Variants in ITGA9 observed in about 807,000 individuals in gnomAD.
The protein encoded by ITGA9 is integrin subunit alpha 9, also known as integrin alpha-9.
In ITGA9, 56 loss-of-function variants were observed where a neutral mutation model predicts 127.8. The ratio of observed to expected loss-of-function variants is 0.44; its 90% CI spans 0.35 to 0.55. The LOEUF (loss-of-function observed/expected upper bound fraction) is 0.55. ITGA9 is among the 20% of genes least tolerant of loss of function. ITGA9 has a pLI of 0.00. For missense variants in ITGA9, 1,196 were observed against 1,347.1 expected (o/e 0.89, Z 1.76); for synonymous variants, 508 against 514.5 (o/e 0.99, Z 0.17).
intron 18 of ITGA9, among the ~76,000 whole-genome samples, chr3:37,713,397 C>G (rs1344191168): frequency 2.0e-5 from 3 of 152,160 alleles, no homozygotes; most frequent in Non-Finnish European, 4.4e-5. Flanking sequence ...AGTTGGCACT[C>G]CCTCCTCCAC....
At chr3:37,750,163 A>T (rs1444153359) in intron 22 of ITGA9, among the ~76,000 whole-genome samples, 1 of 152,228 alleles carries the variant, frequency 6.6e-6, no homozygotes, top group African/African-American at 2.4e-5. Context: ...GTAATAGTCT[A>T]TGAGTAAATT....
chr3:37,665,577 C>T (rs1700578811), intron 17 of ITGA9, among the ~76,000 whole-genome samples: 1 of 152,052 alleles, frequency 6.6e-6, no homozygotes, highest in South Asian at 2.1e-4. Context: ...ACTCAGCCTC[C>T]TGAGTAGCTG....
intron 20 of ITGA9, among the ~76,000 whole-genome samples, chr3:37,739,046 G>T (rs1177296333): frequency 1.3e-5 from 2 of 152,082 alleles, no homozygotes; most frequent in South Asian, 4.1e-4. Flanking sequence ...TTTTCAGAAG[G>T]GCTCACCAAA....
intron 15 of ITGA9, among the ~76,000 whole-genome samples, chr3:37,585,803 C>CG (rs1699754501): frequency 6.6e-6 from 1 of 151,138 alleles, no homozygotes; most frequent in South Asian, 2.1e-4. Flanking sequence ...GGGGCCCCCC[C>CG]AATTTTAATT....
chr3:37,571,242 GGA>G (rs1028608245), intron 15 of ITGA9, among the ~76,000 whole-genome samples: 2 of 152,290 alleles, frequency 1.3e-5, no homozygotes, highest in South Asian at 2.1e-4. Flanking sequence ...TCCAAGAGAT[GGA>G]GAGAGAGTGC....
At chr3:37,632,645 C>A (rs917273860) in intron 16 of ITGA9, among the ~76,000 whole-genome samples, 2 of 152,108 alleles carry the variant, frequency 1.3e-5, no homozygotes, top group African/African-American at 4.8e-5. Context: ...ATCATAGACA[C>A]ATCATTTTGA....
intron 14 of ITGA9, among the ~76,000 whole-genome samples, chr3:37,540,322 G>A (rs1489360127): frequency 6.6e-6 from 1 of 152,216 alleles, no homozygotes; most frequent in Non-Finnish European, 1.5e-5. Flanking sequence ...TTCCAGCAAT[G>A]TGTATCTGTA....
chr3:37,710,331 T>G (rs1456250960), intron 18 of ITGA9, among the ~76,000 whole-genome samples: 1 of 152,112 alleles, frequency 6.6e-6, no homozygotes, highest in Admixed American at 6.5e-5. Context: ...CTATTCTGCC[T>G]CACAATTAAA....
chr3:37,625,305 C>T (rs1391399246), intron 15 of ITGA9, among the ~76,000 whole-genome samples: 1 of 152,188 alleles, frequency 6.6e-6, no homozygotes, highest in African/African-American at 2.4e-5. Flanking sequence ...TCATTATTCC[C>T]TGAAGGTCTT....
At chr3:37,495,693 A>G (rs1446327162) in intron 5 of ITGA9, among the ~76,000 whole-genome samples, 2 of 152,114 alleles carry the variant, frequency 1.3e-5, no homozygotes, top group African/African-American at 4.8e-5. Flanking sequence ...ATGCTTTTTT[A>G]AAAATTGTGG....
rs1575254360 is a variant in ITGA9 at position 37,819,388 on chromosome 3, C to A, written c.*399C>A. 1 of 172,936 alleles carries A rather than the reference C, an allele frequency of 5.8e-6. No individual in the cohort carries two copies. Among genetic ancestry groups the A allele is most frequent in the East Asian group, 1.6e-4 (1 of 6,446 alleles). The allele number at this position is 172,936 out of a possible 1,614,324, so 10.7% of individuals were successfully genotyped here. A position where few individuals can be genotyped will look rare whatever the true frequency, so the allele number is the denominator to read the frequency against. ...CTATTAAATAGTTATATAATTCACT[C>A]AAGCACTGATATCTGGCCTAAAATC... On this transcript the variant is annotated 3_prime_UTR_variant, in exon 28 of 28. Coordinates refer to ENST00000264741, the MANE Select transcript of ITGA9 (RefSeq NM_002207.3).
chr3:37,694,205 C>T (rs2125668994), intron 18 of ITGA9, among the ~76,000 whole-genome samples: 1 of 152,352 alleles, frequency 6.6e-6, no homozygotes, highest in East Asian at 1.9e-4. Flanking sequence ...TCCCCATCCG[C>T]TTATCAGATG....
intron 15 of ITGA9, among the ~76,000 whole-genome samples, chr3:37,625,288 CT>C (rs529147801): frequency 6.6e-4 from 100 of 152,352 alleles, no homozygotes; most frequent in African/African-American, 2.2e-3. Context: ...TCTGTTTCCC[CT>C]GAGACTCATT....
chr3:37,502,213 CTTT>C (rs910743416), intron 5 of ITGA9, among the ~76,000 whole-genome samples: 4 of 111,826 alleles, frequency 3.6e-5, no homozygotes, highest in Admixed American at 9.4e-5. Context: ...GTTCTTGAGT[CTTT>C]TTTTTTTTTT....
chr3:37,692,559 A>G (rs1370029755), intron 18 of ITGA9, among the ~76,000 whole-genome samples: 2 of 152,146 alleles, frequency 1.3e-5, no homozygotes, highest in Non-Finnish European at 2.9e-5. Flanking sequence ...AGCAGTAAAT[A>G]TAGGTCAGTT....
intron 5 of ITGA9, 131 bp from the exon 6 acceptor site, chr3:37,503,047 T>A: frequency 1.1e-6 from 1 of 930,422 alleles, no homozygotes; most frequent in Admixed American, 2.1e-5. Flanking sequence ...TCTGTTTTTG[T>A]TGCTTAGCTG....
Position 37,533,368 on chromosome 3 carries a change from C to T in ITGA9, c.1428C>T (p.Asn476=), listed in dbSNP as rs765094328. ...DVSIFLPGSI[N]ITAPQCHDGQ... is the part of the protein sequence containing the mutation. The stretch of plus-strand genomic sequence containing the variant: ...CCATCTTCCTCCCGGGCTCCATCAA[C>T]ATCACAGCGCCTCAGTGTCACGACG... Residue 476 remains asparagine, a synonymous_variant, in exon 14 of 28, where the codon AAC becomes AAT. Coordinates refer to ENST00000264741, the MANE Select transcript of ITGA9 (RefSeq NM_002207.3). The T allele has an allele frequency of 6.2e-7, 1 of 1,614,210 alleles. No homozygotes were observed. Among genetic ancestry groups the T allele is most frequent in the South Asian group, 1.1e-5 (1 of 91,082 alleles).
chr3:37,611,379 G>A (rs1417896811), intron 15 of ITGA9, among the ~76,000 whole-genome samples: 3 of 152,080 alleles, frequency 2.0e-5, no homozygotes, highest in Non-Finnish European at 4.4e-5. Flanking sequence ...ATCTCCTGGG[G>A]GAGTCAAGAA....
chr3:37,728,772 G>A (rs1409978258), intron 18 of ITGA9, among the ~76,000 whole-genome samples: 1 of 151,704 alleles, frequency 6.6e-6, no homozygotes, highest in Non-Finnish European at 1.5e-5. Flanking sequence ...GCCTCATAAG[G>A]GAAGAGTATT....
Sources: gnomAD v4.1 joint callset for allele counts (sites outside exome capture counted in the v4.1 genomes callset) on GRCh38, gnomAD v4.1.1 for gene constraint, MANE v1.5 for transcripts, NCBI Gene and HGNC (gene_info 2026-07-23, HGNC 2026-07-21) for gene names.